Variants in SLC35F3 observed in about 807,000 individuals in gnomAD.
The protein encoded by SLC35F3 is putative thiamine transporter SLC35F3.
A neutral mutation model predicts 49.9 loss-of-function variants in SLC35F3; 25 were observed. The ratio of observed to expected loss-of-function variants is 0.50; its 90% CI spans 0.37 to 0.70. The LOEUF (loss-of-function observed/expected upper bound fraction) is 0.70, where lower values mean the gene tolerates loss of function less well. Among genes scored for constraint, SLC35F3 ranks in the 30% least tolerant of loss-of-function variants. SLC35F3 has a pLI of 0.00. For synonymous variants in SLC35F3, 275 were observed against 265.4 expected, an observed-to-expected ratio of 1.04 and a Z score of -0.35; for missense variants, 525 against 639.8, an observed-to-expected ratio of 0.82 and a Z score of 1.94.
chr1:234,231,670 A>T lies in SLC35F3; in HGVS notation c.537A>T (p.Leu179Phe). Residue 179 changes from leucine to phenylalanine, a missense_variant, in exon 3 of 8, where the codon TTA becomes TTT. Transcript: ENST00000366618. The surrounding 1 kb of genome is among the most constrained non-coding windows in gnomAD (Gnocchi z 5.4). ...LTWFATNWNFLFFPLYYVGHV... is the reference protein window; with the variant it reads ...LTWFATNWNFFFFPLYYVGHV... The stretch of plus-strand genomic sequence containing the variant: ...GGTTTGCCACCAACTGGAACTTTTT[A>T]TTCTTCCCGTTGTACTACGTGGGGC... 1 of 1,614,062 alleles carries T rather than the reference A, an allele frequency of 6.2e-7. No homozygotes were observed. The highest frequency in any genetic ancestry group is 8.5e-7 in the Non-Finnish European group (1 of 1,179,982).
chr1:234,082,810 G>T (rs1358093410), intron 2 of SLC35F3, among the ~76,000 whole-genome samples: 1 of 152,118 alleles, frequency 6.6e-6, no homozygotes, highest in African/African-American at 2.4e-5. Flanking sequence ...TTCACCACCA[G>T]GAGAACAGTA....
intron 2 of SLC35F3, among the ~76,000 whole-genome samples, chr1:234,083,839 C>CT (rs35359755): frequency 0.035 from 4,864 of 138,122 alleles, 256 homozygotes; most frequent in African/African-American, 0.12. Context: ...TTGGTTTTGG[C>CT]TTTTTTTTTT....
chr1:234,106,085 G>A (rs987444544), intron 2 of SLC35F3, among the ~76,000 whole-genome samples: 7 of 152,290 alleles, frequency 4.6e-5, no homozygotes, highest in South Asian at 4.1e-4. Context: ...TTATGACTAC[G>A]GTTTATTATG....
chr1:233,935,189 C>CTTTTTTTTTTTTTTTTTTTTTTTT (rs35418747), intron 2 of SLC35F3, among the ~76,000 whole-genome samples: 1 of 50,302 alleles, frequency 2.0e-5, no homozygotes, highest in African/African-American at 8.8e-5. Context: ...TTTCCTTGCC[C>CTTTTTTTTTTTTTTTTTTTTTTTT]TTTTTTTTTT....
intron 2 of SLC35F3, among the ~76,000 whole-genome samples, chr1:234,215,787 G>A (rs1481669954): frequency 6.6e-6 from 1 of 152,168 alleles, no homozygotes; most frequent in Non-Finnish European, 1.5e-5. Context: ...AGCTGCCCTA[G>A]TACTGTGATC....
chr1:234,267,219 C>A (rs1667997738), intron 3 of SLC35F3, among the ~76,000 whole-genome samples: 1 of 122,716 alleles, frequency 8.1e-6, no homozygotes, highest in African/African-American at 3.3e-5. Flanking sequence ...CAACAGGATC[C>A]CAAGGCAGAA....
intron 3 of SLC35F3, among the ~76,000 whole-genome samples, chr1:234,292,358 C>A (rs1351291805): frequency 1.3e-5 from 2 of 152,270 alleles, no homozygotes; most frequent in East Asian, 1.9e-4. Flanking sequence ...CTCCCTTGAC[C>A]CACTTATGCC....
intron 3 of SLC35F3, among the ~76,000 whole-genome samples, chr1:234,301,120 G>C (rs1261595154): frequency 6.6e-6 from 1 of 152,204 alleles, no homozygotes; most frequent in Non-Finnish European, 1.5e-5. Context: ...GTCCAGGCAA[G>C]GGTGGTATCA....
At chr1:234,050,946 G>T (rs1416890785) in intron 2 of SLC35F3, among the ~76,000 whole-genome samples, 1 of 152,184 alleles carries the variant, frequency 6.6e-6, no homozygotes, top group Non-Finnish European at 1.5e-5. Context: ...TCACATGGTT[G>T]TAGATGTGTG....
At position 233,950,334 on chromosome 1, in the gene SLC35F3, C is replaced by T. The variant is rs1401429780; in HGVS notation, c.283+44576C>T. ...CCATGAGGCGGAGCTTGCAGTGAGC[C>T]GAGATCACGCCACTGCACTCCAGCC... On this transcript the variant is annotated intron_variant, in intron 2 of 7. Coordinates refer to ENST00000366618, the MANE Select transcript of SLC35F3 (RefSeq NM_173508.4). 6.9e-5 allele frequency among the ~76,000 whole-genome samples: 9 copies of T among 129,998 alleles called. 1 individual carries two copies. The highest frequency in any genetic ancestry group is 1.5e-5 in the Non-Finnish European group (1 of 65,326). The allele number at this position is 129,998 out of a possible 152,430, so 85.3% of individuals were successfully genotyped here.
chr1:234,190,095 C>T (rs1270827873), intron 2 of SLC35F3, among the ~76,000 whole-genome samples: 1 of 152,148 alleles, frequency 6.6e-6, no homozygotes, highest in Non-Finnish European at 1.5e-5. Context: ...ATCCTGGAAA[C>T]ACACCAAAAC....
intron 2 of SLC35F3, among the ~76,000 whole-genome samples, chr1:234,146,993 T>C (rs1666007413): frequency 6.6e-6 from 1 of 152,224 alleles, no homozygotes; most frequent in South Asian, 2.1e-4. Context: ...TTCAAAGATA[T>C]TGGAAAATCT....
chr1:234,294,331 C>T (rs981256130), intron 3 of SLC35F3, among the ~76,000 whole-genome samples: 4 of 152,176 alleles, frequency 2.6e-5, no homozygotes, highest in Non-Finnish European at 5.9e-5. Flanking sequence ...GGCTCTGTCT[C>T]GGCCAGCAGA....
intron 2 of SLC35F3, among the ~76,000 whole-genome samples, chr1:233,955,878 CTTTTTTTTTTTTTTTT>C (rs869035917): frequency 2.1e-5 from 1 of 48,104 alleles, no homozygotes; most frequent in Non-Finnish European, 3.6e-5. Flanking sequence ...GTGTGGGTAT[CTTTTTTTTTTTTTTTT>C]TTTTTTTTTT....
intron 2 of SLC35F3, among the ~76,000 whole-genome samples, chr1:233,955,352 T>C (rs183686575): frequency 6.6e-6 from 1 of 152,164 alleles, no homozygotes; most frequent in African/African-American, 2.4e-5. Context: ...TCTCTGAAAC[T>C]GCTCTTCCTC....
chr1:234,191,701 T>G (rs1228437887), intron 2 of SLC35F3, among the ~76,000 whole-genome samples: 1 of 151,534 alleles, frequency 6.6e-6, no homozygotes, highest in Non-Finnish European at 1.5e-5. Context: ...TGATAGACCA[T>G]TAGAAAGATT....
intron 3 of SLC35F3, among the ~76,000 whole-genome samples, chr1:234,254,241 T>G (rs1667783395): frequency 6.6e-6 from 1 of 152,188 alleles, no homozygotes; most frequent in South Asian, 2.1e-4. Flanking sequence ...TTCTATATCC[T>G]TAGTAGTGTT....
intron 2 of SLC35F3, among the ~76,000 whole-genome samples, chr1:233,921,321 CT>C: frequency 6.6e-6 from 1 of 152,276 alleles, no homozygotes. Flanking sequence ...CATGCACAGT[CT>C]CCCCCATCTT....
intron 2 of SLC35F3, among the ~76,000 whole-genome samples, chr1:234,108,756 T>C (rs1665348533): frequency 1.0e-5 from 1 of 100,204 alleles, no homozygotes; most frequent in Admixed American, 1.2e-4. Flanking sequence ...ATAAAAGATA[T>C]ATATAAATAT....
Sources: gnomAD v4.1 joint callset for allele counts (sites outside exome capture counted in the v4.1 genomes callset) on GRCh38, gnomAD v4.1.1 for gene constraint, Gnocchi (gnomAD v3.1) non-coding constraint, MANE v1.5 for transcripts, NCBI Gene and HGNC (gene_info 2026-07-23, HGNC 2026-07-21) for gene names.